CDH18: variants seen among roughly 807,000 people sequenced by gnomAD.
The protein encoded by CDH18 is cadherin-18.
CDH18 carries 31 observed loss-of-function variants against 67.9 expected under a neutral mutation model. The observed-to-expected ratio is 0.46, with a 90% confidence interval of 0.34 to 0.62. CDH18 has a LOEUF of 0.62. Ranked by LOEUF, CDH18 falls within the 20% of genes least tolerant of loss-of-function variation. The pLI, the probability that CDH18 is intolerant of heterozygous loss-of-function variation, is 0.01. For synonymous variants in CDH18, 362 were observed against 347.2 expected, an observed-to-expected ratio of 1.04 and a Z score of -0.48; for missense variants, 890 against 975.5, an observed-to-expected ratio of 0.91 and a Z score of 1.17.
rs570741004 is a variant in CDH18, at chr5:19,968,180, T to G, written c.-257+12880A>C. ...AGGATAACTACAAACCACTGCTCAA[T>G]GAAATAAAAGAGGACACAAACAAAT... On this transcript the variant is annotated intron_variant, in intron 2 of 12. Coordinates refer to ENST00000382275, the MANE Select transcript of CDH18 (RefSeq NM_004934.5). Among the ~76,000 whole-genome samples the G allele has an allele frequency of 6.6e-3, 1,006 of 151,916 alleles. 7 individuals are homozygous for G. The highest frequency in any genetic ancestry group is 0.012 in the South Asian group (58 of 4,804).
chr5:19,862,020 T>C (rs1784960437), intron 2 of CDH18, among the ~76,000 whole-genome samples: 1 of 152,168 alleles, frequency 6.6e-6, no homozygotes, highest in South Asian at 2.1e-4. Flanking sequence ...ACATTATCAA[T>C]GAATTCGACA....
At chr5:20,062,140 A>AATTATTACTATT (rs1742546349) in intron 2 of CDH18, among the ~76,000 whole-genome samples, 2 of 137,930 alleles carry the variant, frequency 1.5e-5, no homozygotes, top group African/African-American at 5.4e-5. Flanking sequence ...TTAAGCCCAG[A>AATTATTACTATT]ATTATTATTA....
chr5:20,076,067 C>T (rs995666573), intron 2 of CDH18, among the ~76,000 whole-genome samples: 6 of 152,066 alleles, frequency 3.9e-5, no homozygotes, highest in African/African-American at 1.4e-4. Flanking sequence ...TGTAACTTCA[C>T]TTGTACCCCT....
At chr5:19,799,026 G>A (rs949429505) in intron 3 of CDH18, among the ~76,000 whole-genome samples, 7 of 151,636 alleles carry the variant, frequency 4.6e-5, no homozygotes, top group Non-Finnish European at 1.0e-4. Flanking sequence ...CATATTTTAG[G>A]TATTACAAAT....
At chr5:19,989,528 G>T (rs924541580), upstream of CDH18, among the ~76,000 whole-genome samples, 1 of 152,138 alleles carries the variant, frequency 6.6e-6, no homozygotes, top group Non-Finnish European at 1.5e-5. Context: ...ACTTTAGCAG[G>T]TCTCTGTGAA....
chr5:20,079,968 T>A (rs921705847), intron 2 of CDH18, among the ~76,000 whole-genome samples: 2 of 152,168 alleles, frequency 1.3e-5, no homozygotes, highest in African/African-American at 4.8e-5. Context: ...ACCAATCCCA[T>A]GATGAGGGCT....
At chr5:19,721,028 C>T (rs941632757) in intron 5 of CDH18, among the ~76,000 whole-genome samples, 1 of 152,096 alleles carries the variant, frequency 6.6e-6, no homozygotes. Context: ...TTGAAAATCT[C>T]ACTCAATGTT....
At chr5:19,873,656 T>C (rs545096361) in intron 2 of CDH18, among the ~76,000 whole-genome samples, 1 of 152,282 alleles carries the variant, frequency 6.6e-6, no homozygotes, top group East Asian at 1.9e-4. Context: ...AAAACTTTTT[T>C]TTTTCTTTTG....
chr5:20,542,375 A>T (rs1237092120), intron 1 of CDH18, among the ~76,000 whole-genome samples: 2 of 151,524 alleles, frequency 1.3e-5, no homozygotes, highest in Non-Finnish European at 2.9e-5. Flanking sequence ...TAATTATAAA[A>T]CATCCCCATC....
intron 7 of CDH18, among the ~76,000 whole-genome samples, chr5:19,586,589 A>G (rs1204699390): frequency 1.3e-5 from 2 of 152,122 alleles, no homozygotes; most frequent in Non-Finnish European, 2.9e-5. Context: ...GCACCACATT[A>G]TCTTTACCTA....
intron 10 of CDH18, among the ~76,000 whole-genome samples, chr5:19,514,693 G>A (rs1745673098): frequency 6.6e-6 from 1 of 152,120 alleles, no homozygotes; most frequent in Non-Finnish European, 1.5e-5. Flanking sequence ...TGATGGGGTT[G>A]TTTGATTTTT....
intron 1 of CDH18, among the ~76,000 whole-genome samples, chr5:20,411,893 C>A (rs1029303823): frequency 3.3e-5 from 5 of 151,868 alleles, no homozygotes; most frequent in African/African-American, 4.8e-5. Context: ...AAGACATAAA[C>A]AAATGGAAAA....
At chr5:20,538,991 C>T (rs1255794719) in intron 1 of CDH18, among the ~76,000 whole-genome samples, 1 of 142,168 alleles carries the variant, frequency 7.0e-6, no homozygotes, top group Non-Finnish European at 1.5e-5. Context: ...TGGGTTCAAG[C>T]AATTCTCTTG....
At chr5:20,274,701 T>C (rs1745677990) in intron 1 of CDH18, among the ~76,000 whole-genome samples, 1 of 152,172 alleles carries the variant, frequency 6.6e-6, no homozygotes, top group Non-Finnish European at 1.5e-5. Flanking sequence ...TATATTTTGA[T>C]ACATGTAAAA....
intron 3 of CDH18, among the ~76,000 whole-genome samples, chr5:19,779,472 G>A (rs867816044): frequency 6.6e-6 from 1 of 152,146 alleles, no homozygotes; most frequent in Non-Finnish European, 1.5e-5. Flanking sequence ...GAGAGCAGTG[G>A]TAAGCAATCT....
At chr5:19,830,681 T>C (rs1457457491) in intron 3 of CDH18, among the ~76,000 whole-genome samples, 1 of 152,096 alleles carries the variant, frequency 6.6e-6, no homozygotes, top group African/African-American at 2.4e-5. Flanking sequence ...AATCCAGGTA[T>C]TGGGTATATG....
intron 5 of CDH18, among the ~76,000 whole-genome samples, chr5:19,613,575 AT>A (rs1749346965): frequency 1.3e-5 from 2 of 152,190 alleles, no homozygotes; most frequent in African/African-American, 4.8e-5. Flanking sequence ...GACGTTTAAC[AT>A]TTTTGCATGA....
chr5:20,062,140 A>AATTATTATATT (rs1554085592), intron 2 of CDH18, among the ~76,000 whole-genome samples: 1 of 137,930 alleles, frequency 7.3e-6, no homozygotes. Flanking sequence ...TTAAGCCCAG[A>AATTATTATATT]ATTATTATTA....
chr5:20,410,631 T>C (rs888277346), intron 1 of CDH18, among the ~76,000 whole-genome samples: 1 of 151,288 alleles, frequency 6.6e-6, no homozygotes, highest in Admixed American at 6.6e-5. Flanking sequence ...TTATTTAACA[T>C]AATCCTGTGA....
Sources: gnomAD v4.1 joint callset for allele counts (sites outside exome capture counted in the v4.1 genomes callset) on GRCh38, gnomAD v4.1.1 for gene constraint, MANE v1.5 for transcripts, NCBI Gene and HGNC (gene_info 2026-07-23, HGNC 2026-07-21) for gene names.